ELF2: variants seen among roughly 807,000 people sequenced by gnomAD.
ELF2 encodes the protein E74 like ETS transcription factor 2, also known as ETS-related transcription factor Elf-2.
Under a neutral mutation model 54.8 loss-of-function variants are expected in ELF2, and 11 were observed. That is an observed-to-expected ratio of 0.20 (90% CI 0.13 to 0.33). The LOEUF (loss-of-function observed/expected upper bound fraction) is 0.33. ELF2 is among the 10% of genes least tolerant of loss of function. The pLI is 1.00. For missense variants in ELF2, 513 were observed against 703.0 expected (o/e 0.73, Z 3.06); for synonymous variants, 203 against 245.1 (o/e 0.83, Z 1.61).
chr4:139,084,444 C>CAGG (rs1191717767), intron 4 of ELF2: 42 of 1,146,232 alleles, frequency 3.7e-5, no homozygotes, highest in African/African-American at 4.9e-5. Flanking sequence ...GCAGGGGCGG[C>CAGG]GGCGGCGGCG....
At chr4:139,115,509 G>A (rs1578839925) in intron 4 of ELF2, 5 of 539,480 alleles carry the variant, frequency 9.3e-6, no homozygotes, top group Admixed American at 1.3e-4. Flanking sequence ...TGCAGCATGC[G>A]GAGCCCCCGG....
intron 1 of ELF2, among the ~76,000 whole-genome samples, chr4:139,173,481 G>A (rs1742546964): frequency 6.6e-6 from 1 of 152,094 alleles, no homozygotes; most frequent in Non-Finnish European, 1.5e-5. Flanking sequence ...ATTACAGGGT[G>A]GGTGCAGTGG....
intron 4 of ELF2, among the ~76,000 whole-genome samples, chr4:139,108,230 C>A (rs1401540677): frequency 6.6e-6 from 1 of 152,048 alleles, no homozygotes; most frequent in African/African-American, 2.4e-5. Flanking sequence ...ACTGGGAATA[C>A]CTTATTATTA....
intron 1 of ELF2, among the ~76,000 whole-genome samples, chr4:139,141,296 C>T (rs1738673856): frequency 6.6e-6 from 1 of 152,190 alleles, no homozygotes. Flanking sequence ...CTTCATGTTA[C>T]GTAGGGACAT....
At chr4:139,163,912 T>G (rs1184733825) in intron 1 of ELF2, among the ~76,000 whole-genome samples, 171 of 121,380 alleles carry the variant, frequency 1.4e-3, no homozygotes, top group Admixed American at 1.5e-3. Context: ...AAAAAGGAAG[T>G]AGGAAGGAAG....
rs992669165 is a variant in ELF2 at position 139,086,563 on chromosome 4, G to A, written c.239-12996C>T. ...TTATTAAAATGAAGATCTTCGAACC[G>A]TCATAAACTAATTCACTTATTCAAC... is the stretch of plus-strand genomic sequence containing the variant. On this transcript the variant is annotated intron_variant, in intron 4 of 9. Coordinates refer to ENST00000686138, the MANE Select transcript of ELF2 (RefSeq NM_001331036.3). Among the ~76,000 whole-genome samples the A allele has an allele frequency of 1.5e-4, 23 of 152,078 alleles. 1 individual carries two copies. Among genetic ancestry groups the A allele is most frequent in the East Asian group, 3.8e-4 (2 of 5,204 alleles).
intron 4 of ELF2, among the ~76,000 whole-genome samples, chr4:139,093,454 A>G (rs1320559603): frequency 2.0e-5 from 3 of 152,240 alleles, no homozygotes; most frequent in Non-Finnish European, 4.4e-5. Context: ...TACCTGGATT[A>G]TTTTATGAGT....
At chr4:139,093,025 G>A (rs1732845648) in intron 4 of ELF2, among the ~76,000 whole-genome samples, 1 of 150,150 alleles carries the variant, frequency 6.7e-6, no homozygotes. Flanking sequence ...GAGTGCAGTG[G>A]CGCAATCTCG....
chr4:139,074,586 T>TC (rs779170063), intron 4 of ELF2, among the ~76,000 whole-genome samples: 2 of 151,430 alleles, frequency 1.3e-5, no homozygotes, highest in Non-Finnish European at 2.9e-5. Context: ...ATGGTGAAAC[T>TC]CCATCTCTAT....
At chr4:139,161,779 T>C (rs1741182279) in intron 1 of ELF2, among the ~76,000 whole-genome samples, 1 of 150,942 alleles carries the variant, frequency 6.6e-6, no homozygotes, top group South Asian at 2.1e-4. Context: ...AAGACCAGCC[T>C]GCCCAACATG....
chr4:139,086,981 G>C (rs549321744), intron 4 of ELF2, among the ~76,000 whole-genome samples: 1 of 152,228 alleles, frequency 6.6e-6, no homozygotes, highest in Non-Finnish European at 1.5e-5. Context: ...ACTCCTAAAA[G>C]TAATTTTATT....
intron 7 of ELF2, among the ~76,000 whole-genome samples, chr4:139,063,882 G>A (rs1728253552): frequency 6.6e-6 from 1 of 152,096 alleles, no homozygotes; most frequent in Non-Finnish European, 1.5e-5. Flanking sequence ...ATCCCAAAAG[G>A]AAGAAAGTAT....
intron 3 of ELF2, among the ~76,000 whole-genome samples, chr4:139,130,214 G>C (rs1737354178): frequency 6.6e-6 from 1 of 150,830 alleles, no homozygotes; most frequent in Non-Finnish European, 1.5e-5. Flanking sequence ...CTCCCTCCTA[G>C]CCCTCAAAAA....
chr4:139,068,826 G>A (rs746540214), intron 6 of ELF2, among the ~76,000 whole-genome samples: 11 of 151,954 alleles, frequency 7.2e-5, no homozygotes, highest in Non-Finnish European at 1.3e-4. Flanking sequence ...GAATACTTAA[G>A]TATGTTGTAT....
chr4:139,072,682 T>C (rs530194262), intron 5 of ELF2, among the ~76,000 whole-genome samples: 1 of 152,308 alleles, frequency 6.6e-6, no homozygotes, highest in Non-Finnish European at 1.5e-5. Context: ...TCTGGCTTCC[T>C]TCTAATGTGC....
At position 139,165,958 on chromosome 4, in the gene ELF2, T is replaced by C. The variant is rs1741676841; in HGVS notation, c.-252+11009A>G. On this transcript the variant is annotated intron_variant, in intron 1 of 9. Transcript: ENST00000686138. The stretch of plus-strand genomic sequence containing the variant: ...TACATGCCACAAAAATAACTGAATT[T>C]CTTTGTCAATTGCTGATTATAATAA... Among the ~76,000 whole-genome samples the C allele has an allele frequency of 2.0e-5, 3 of 152,332 alleles. No individual in the cohort carries two copies. The South Asian group carries it at 6.2e-4, about 32-fold the overall frequency.
At chr4:139,062,806 A>C (rs1728075509) in intron 7 of ELF2, among the ~76,000 whole-genome samples, 1 of 152,220 alleles carries the variant, frequency 6.6e-6, no homozygotes, top group Non-Finnish European at 1.5e-5. Flanking sequence ...CATCAGACCT[A>C]GGGTCTTTTT....
chr4:139,060,394 A>G lies in ELF2; in HGVS notation c.1087T>C (p.Ser363Pro). 1 of 1,614,164 alleles carries G rather than the reference A, an allele frequency of 6.2e-7. No individual in the cohort carries two copies. Among genetic ancestry groups the G allele is most frequent in the Non-Finnish European group, 8.5e-7 (1 of 1,180,034 alleles). Reference protein sequence around the residue: ...KGVARVVNITSPGHDASSRSP... With the variant: ...KGVARVVNITPPGHDASSRSP... ...CTGGATGAAGCATCGTGCCCAGGGGAAGTGATATTCACAACTCTAGCTACA... is the reference window on the plus strand; with the variant it reads ...CTGGATGAAGCATCGTGCCCAGGGGGAGTGATATTCACAACTCTAGCTACA... The change falls in exon 9 of 10, where the codon TCC (serine) becomes CCC (proline). Residue 363 changes from serine (S) to proline (P), a missense_variant. This residue lies in a region of ELF2 where 291 missense variants were observed against 366.1 expected (regional missense o/e 0.79). Coordinates refer to ENST00000686138, the MANE Select transcript of ELF2 (RefSeq NM_001331036.3).
At position 139,132,059 on chromosome 4, in the gene ELF2, T is replaced by G. The variant is rs1348504884; in HGVS notation, c.72+5571A>C. On this transcript the variant is annotated intron_variant, in intron 3 of 9. Coordinates refer to ENST00000686138, the MANE Select transcript of ELF2 (RefSeq NM_001331036.3). ...AAAAATACACCTCAAATTATTAACC[T>G]GGTGAAAGAGAGGTGAGCAGACAAA... 3.9e-5 allele frequency among the ~76,000 whole-genome samples: 6 copies of G among 152,196 alleles called. No homozygotes were observed. In the South Asian group the frequency reaches 1.2e-3, roughly 31 times the overall value.
Sources: gnomAD v4.1 joint callset for allele counts (sites outside exome capture counted in the v4.1 genomes callset) on GRCh38, gnomAD v4.1.1 for gene constraint, gnomAD v4.1.1 regional missense constraint, MANE v1.5 for transcripts, NCBI Gene and HGNC (gene_info 2026-07-23, HGNC 2026-07-21) for gene names.